Variants in PPP1R9A observed in about 807,000 individuals in gnomAD.
PPP1R9A encodes neurabin-1.
Under a neutral mutation model 141.9 loss-of-function variants are expected in PPP1R9A, and 59 were observed. The observed-to-expected ratio is 0.42, with a 90% CI of 0.34 to 0.52. The LOEUF is 0.52. PPP1R9A is among the 20% of genes least tolerant of loss of function. PPP1R9A has a pLI of 0.10. For synonymous variants in PPP1R9A, 500 were observed against 569.7 expected (o/e 0.88, Z 1.74); for missense variants, 1,444 against 1,611.9 (o/e 0.90, Z 1.78).
At chr7:95,255,869 A>C (rs1390311502) in intron 12 of PPP1R9A, among the ~76,000 whole-genome samples, 2 of 152,120 alleles carry the variant, frequency 1.3e-5, no homozygotes, top group African/African-American at 4.8e-5. Context: ...ATAATCTTGT[A>C]AGCATTGTGA....
At position 95,079,229 on chromosome 7, in the gene PPP1R9A, T is replaced by C. The variant is rs554972698; in HGVS notation, c.1396-32030T>C. Reference sequence around the variant, plus strand: ...AGCCAGTTTTCCTAGCACCATTTATTAAATAGGGAATCCTTTCCCCATTTC... The same window carrying C: ...AGCCAGTTTTCCTAGCACCATTTATCAAATAGGGAATCCTTTCCCCATTTC... On this transcript the variant is annotated intron_variant, in intron 2 of 19. Coordinates refer to ENST00000433360, the MANE Select transcript of PPP1R9A (RefSeq NM_001166160.2). Among the ~76,000 whole-genome samples the C allele has an allele frequency of 1.2e-3, 186 of 152,352 alleles. 1 individual carries two copies. The highest frequency in any genetic ancestry group is 2.7e-3 in the Admixed American group (41 of 15,306).
intron 16 of PPP1R9A, among the ~76,000 whole-genome samples, chr7:95,274,754 A>G (rs1257107004): frequency 6.6e-6 from 1 of 152,228 alleles, no homozygotes; most frequent in Non-Finnish European, 1.5e-5. Flanking sequence ...CTGAGATTAT[A>G]TAATTTTAAG....
At chr7:95,045,139 A>T (rs927476388) in intron 2 of PPP1R9A, among the ~76,000 whole-genome samples, 1 of 152,178 alleles carries the variant, frequency 6.6e-6, no homozygotes, top group African/African-American at 2.4e-5. Context: ...CAGCAAAGCT[A>T]TACGAATCTA....
At chr7:95,024,806 T>A (rs1806564639) in intron 2 of PPP1R9A, among the ~76,000 whole-genome samples, 1 of 152,206 alleles carries the variant, frequency 6.6e-6, no homozygotes, top group South Asian at 2.1e-4. Flanking sequence ...TGTGTGAATT[T>A]GATACTGTCA....
chr7:95,215,170 T>TC (rs933800029), intron 7 of PPP1R9A, among the ~76,000 whole-genome samples: 2 of 133,878 alleles, frequency 1.5e-5, no homozygotes, highest in African/African-American at 5.6e-5. Flanking sequence ...CCTTCCTGTG[T>TC]CCAAGTGTTC....
At chr7:95,225,125 G>A (rs1794965129) in intron 7 of PPP1R9A, among the ~76,000 whole-genome samples, 1 of 152,034 alleles carries the variant, frequency 6.6e-6, no homozygotes, top group Non-Finnish European at 1.5e-5. Context: ...TACCTACAGG[G>A]ACAGGTGGGT....
chr7:95,087,714 G>T (rs1232863237), intron 2 of PPP1R9A, among the ~76,000 whole-genome samples: 1 of 151,918 alleles, frequency 6.6e-6, no homozygotes, highest in East Asian at 1.9e-4. Flanking sequence ...AGCCAAGATG[G>T]TGAAACCTTG....
At chr7:95,047,878 A>G (rs142275844) in intron 2 of PPP1R9A, among the ~76,000 whole-genome samples, 73 of 152,318 alleles carry the variant, frequency 4.8e-4, no homozygotes, top group African/African-American at 1.7e-3. Context: ...TGTAGGCTGA[A>G]CAGATAGAAC....
chr7:95,121,082 A>G (rs760043513), intron 4 of PPP1R9A, among the ~76,000 whole-genome samples: 3 of 152,150 alleles, frequency 2.0e-5, no homozygotes, highest in Non-Finnish European at 2.9e-5. Flanking sequence ...CCATTCATCT[A>G]TCTGGTGGGA....
intron 7 of PPP1R9A, among the ~76,000 whole-genome samples, chr7:95,214,982 A>G (rs1208277852): frequency 6.6e-6 from 1 of 151,822 alleles, no homozygotes; most frequent in Non-Finnish European, 1.5e-5. Context: ...TTTTTTTAAT[A>G]TATATAAACT....
intron 2 of PPP1R9A, among the ~76,000 whole-genome samples, chr7:95,025,755 G>T (rs1282210667): frequency 6.6e-6 from 1 of 152,082 alleles, no homozygotes; most frequent in Non-Finnish European, 1.5e-5. Flanking sequence ...ATATTTCTTG[G>T]AGGCTTTATT....
chr7:95,147,219 T>TA (rs1176377654), intron 4 of PPP1R9A, among the ~76,000 whole-genome samples: 3 of 152,220 alleles, frequency 2.0e-5, no homozygotes, highest in African/African-American at 2.4e-5. Flanking sequence ...ACATCGCTTG[T>TA]AAGTTGTATT....
intron 12 of PPP1R9A, among the ~76,000 whole-genome samples, chr7:95,254,750 C>T (rs370070661): frequency 6.6e-6 from 1 of 152,186 alleles, no homozygotes; most frequent in East Asian, 1.9e-4. Context: ...TCTGAGCAGC[C>T]GTTTCTTCAT....
chr7:95,289,323 G>T (rs565782236), intron 19 of PPP1R9A, among the ~76,000 whole-genome samples: 5 of 152,104 alleles, frequency 3.3e-5, no homozygotes, highest in Non-Finnish European at 7.4e-5. Context: ...CCCCACCCCC[G>T]CCTCAGCCCC....
rs757533238 is a variant in PPP1R9A at position 95,161,955 on chromosome 7, A to T, written c.1738A>T (p.Thr580Ser). 1.2e-6 allele frequency: 2 copies of T among 1,607,654 alleles called. No individual in the cohort carries two copies. The highest frequency in any genetic ancestry group is 1.7e-6 in the Non-Finnish European group (2 of 1,175,914). The change falls in exon 5 of 20, where the codon ACC becomes TCC. Residue 580 changes from threonine (T) to serine (S), a missense_variant. By Grantham distance (58) the Thr-to-Ser change is moderately conservative (BLOSUM62 1). This residue lies in a region of PPP1R9A where 488 missense variants were observed against 542.0 expected (regional missense o/e 0.90). Transcript: ENST00000433360. ...QNFAATVLRN[T>S]KGNVRFVIGR... ...TTTTGCAGCAACAGTTCTCAGAAAC[A>T]CCAAGGGCAACGTCAGGTAAATACG... is the stretch of plus-strand genomic sequence containing the variant.
At chr7:95,049,327 G>A (rs780868335) in intron 2 of PPP1R9A, among the ~76,000 whole-genome samples, 2 of 152,084 alleles carry the variant, frequency 1.3e-5, no homozygotes, top group African/African-American at 2.4e-5. Context: ...CCACTAATTT[G>A]CGAAGAGATT....
chr7:95,243,053 G>A (rs60961150), intron 8 of PPP1R9A, among the ~76,000 whole-genome samples: 3,127 of 152,240 alleles, frequency 0.021, 115 homozygotes, highest in East Asian at 0.2. Context: ...TACCAACTAT[G>A]CTTCATTTGT....
At chr7:95,128,842 T>C (rs1584844550) in intron 4 of PPP1R9A, among the ~76,000 whole-genome samples, 1 of 152,226 alleles carries the variant, frequency 6.6e-6, no homozygotes. Flanking sequence ...CCTCCCAAAG[T>C]GCTGGGCTTA....
rs2152858118 is a variant in PPP1R9A, at chr7:95,198,592, G to T, written c.1890+108G>T. ...TTATGCAGTTTCTTGAGGAAGGTGT[G>T]TCCACATTGAACTAAAATTCTACCT... On this transcript the variant is annotated intron_variant, in intron 6 of 19. Coordinates refer to ENST00000433360, the MANE Select transcript of PPP1R9A (RefSeq NM_001166160.2). 2.3e-6 allele frequency: 3 copies of T among 1,301,864 alleles called. No homozygotes were observed. In the South Asian group the frequency reaches 6.7e-5, roughly 29 times the overall value. 80.6% of individuals were successfully genotyped at this position (1,301,864 alleles called of 1,614,324 possible). A position where few individuals can be genotyped will look rare whatever the true frequency, so the allele number is the denominator to read the frequency against.
Sources: allele counts gnomAD v4.1 joint callset (sites outside exome capture counted in the v4.1 genomes callset), GRCh38; gene constraint gnomAD v4.1.1; regional missense constraint gnomAD v4.1.1; transcripts MANE v1.5; gene names NCBI Gene and HGNC (gene_info 2026-07-23, HGNC 2026-07-21).